The following MOXD1 variants were observed in gnomAD, a reference collection of about 807,000 sequenced individuals.
MOXD1 encodes monooxygenase DBH like 1, also known as DBH-like monooxygenase protein 1.
Under a neutral mutation model 66.6 loss-of-function variants are expected in MOXD1, and 62 were observed. That is an observed-to-expected ratio of 0.93 (90% CI 0.76 to 1.15). MOXD1 has a LOEUF of 1.15. Among genes scored for constraint, MOXD1 ranks in the 50% most tolerant of loss-of-function variants. MOXD1 has a pLI of 0.00. For synonymous variants in MOXD1, 303 were observed against 281.9 expected (o/e 1.07, Z -0.75); for missense variants, 847 against 754.6 (o/e 1.12, Z -1.44).
intron 1 of MOXD1, among the ~76,000 whole-genome samples, chr6:132,394,135 C>A (rs1371412923): frequency 6.6e-6 from 1 of 152,128 alleles, no homozygotes; most frequent in African/African-American, 2.4e-5. Context: ...TAGTTCCCAG[C>A]AAAACTTCAC....
chr6:132,391,519 T>C (rs898490619), intron 1 of MOXD1: 5 of 152,188 alleles, frequency 3.3e-5, no homozygotes, highest in African/African-American at 1.2e-4. Context: ...TTTTCCTGTT[T>C]AAAAGTTCTT....
chr6:132,363,435 A>G (rs1776055648), intron 4 of MOXD1, among the ~76,000 whole-genome samples: 1 of 152,170 alleles, frequency 6.6e-6, no homozygotes, highest in Non-Finnish European at 1.5e-5. Context: ...TTACTTAAAG[A>G]ACTCATGGCT....
chr6:132,376,892 A>G (rs1238508332), intron 1 of MOXD1, among the ~76,000 whole-genome samples: 1 of 152,212 alleles, frequency 6.6e-6, no homozygotes, highest in Non-Finnish European at 1.5e-5. Flanking sequence ...AATCACATCT[A>G]TCAGATAAAA....
chr6:132,297,683 C>T, intron 11 of MOXD1, 104 bp downstream of exon 11: 1 of 1,357,450 alleles, frequency 7.4e-7, no homozygotes, highest in Non-Finnish European at 1.0e-6. Flanking sequence ...TAGAAGGCAA[C>T]TGGACCCCTG....
chr6:132,331,632 T>C (rs909295200), intron 4 of MOXD1, among the ~76,000 whole-genome samples: 1 of 152,216 alleles, frequency 6.6e-6, no homozygotes, highest in Non-Finnish European at 1.5e-5. Context: ...TCATTCTATG[T>C]ATTTCATTTA....
chr6:132,311,323 ATTGAT>A lies in MOXD1; in HGVS notation c.1508+4307_1508+4311del, dbSNP rs536404434. On this transcript the variant is annotated intron_variant, in intron 10 of 11. Coordinates refer to ENST00000367963, the MANE Select transcript of MOXD1 (RefSeq NM_015529.4). ...TCATAAAGATTAGGGTTATCATTGA[ATTGAT>A]TTATCTAATCAAGTCATGTTAAATA... Among the ~76,000 whole-genome samples the A allele has an allele frequency of 2.4e-3, 367 of 152,250 alleles. 3 individuals are homozygous for A. The highest frequency in any genetic ancestry group is 8.2e-3 in the African/African-American group (341 of 41,566).
intron 10 of MOXD1, among the ~76,000 whole-genome samples, chr6:132,301,897 T>C (rs2076836923): frequency 6.6e-6 from 1 of 152,160 alleles, no homozygotes; most frequent in South Asian, 2.1e-4. Context: ...AATATTATGT[T>C]CATCCCAGCT....
intron 9 of MOXD1, among the ~76,000 whole-genome samples, chr6:132,316,557 C>G (rs1304091799): frequency 6.6e-6 from 1 of 151,942 alleles, no homozygotes; most frequent in East Asian, 1.9e-4. Context: ...GAAAGAAGAA[C>G]AATTTTAAAA....
rs75218918 is a variant in MOXD1 at position 132,376,861 on chromosome 6, T to C, written c.265-2084A>G. Among the ~76,000 whole-genome samples, 546 of 152,330 alleles carry C rather than the reference T, an allele frequency of 3.6e-3. 2 individuals carry two copies. Among genetic ancestry groups the C allele is most frequent in the African/African-American group, 0.01 (432 of 41,582 alleles). ...AGGCCCTGTTTACACCTGTTACATG[T>C]ATTAACTAAACTAATCTTCAAATCA... On this transcript the variant is annotated intron_variant, in intron 1 of 11. Transcript: ENST00000367963.
intron 10 of MOXD1, among the ~76,000 whole-genome samples, chr6:132,313,032 T>G (rs1774865348): frequency 6.9e-6 from 1 of 145,196 alleles, no homozygotes; most frequent in Admixed American, 6.8e-5. Flanking sequence ...GTTTTTAAAA[T>G]GATATTTTAT....
At chr6:132,326,540 T>A (rs1775190884) in intron 6 of MOXD1, among the ~76,000 whole-genome samples, 1 of 152,128 alleles carries the variant, frequency 6.6e-6, no homozygotes, top group South Asian at 2.1e-4. Context: ...AAAAAATTTT[T>A]AAAAGTTGCA....
At chr6:132,395,008 A>G (rs1776840908) in intron 1 of MOXD1, among the ~76,000 whole-genome samples, 1 of 152,202 alleles carries the variant, frequency 6.6e-6, no homozygotes, top group African/African-American at 2.4e-5. Context: ...AGCACATTAT[A>G]GTCAAAATAT....
Position 132,306,198 on chromosome 6 carries a change from C to A in MOXD1, c.1509-8243G>T, listed in dbSNP as rs140660073. ...CTTGATGAAGCTGAAAAATACAGCACGAGAATTTCATGAAGCATACACAAA... is the reference window on the plus strand; with the variant it reads ...CTTGATGAAGCTGAAAAATACAGCAAGAGAATTTCATGAAGCATACACAAA... On this transcript the variant is annotated intron_variant, in intron 10 of 11. Transcript: ENST00000367963. Among the ~76,000 whole-genome samples, 577 of 151,900 alleles carry A rather than the reference C, an allele frequency of 3.8e-3. 3 individuals are homozygous for A. The highest frequency in any genetic ancestry group is 0.012 in the African/African-American group (500 of 41,394).
chr6:132,321,994 C>T (rs955439853), intron 8 of MOXD1, among the ~76,000 whole-genome samples: 23 of 152,096 alleles, frequency 1.5e-4, no homozygotes, highest in African/African-American at 4.6e-4. Flanking sequence ...TCCAGCATCA[C>T]GTAGAAAAGA....
chr6:132,346,424 CT>C (rs891092833), intron 4 of MOXD1, among the ~76,000 whole-genome samples: 1 of 151,802 alleles, frequency 6.6e-6, no homozygotes, highest in Non-Finnish European at 1.5e-5. Flanking sequence ...AATGGCCCAT[CT>C]TTTTTTTCTA....
chr6:132,299,855 T>C (rs2206064), intron 10 of MOXD1, among the ~76,000 whole-genome samples: 8,480 of 151,954 alleles, frequency 0.056, 609 homozygotes, highest in East Asian at 0.33. Context: ...TTAATCTTCA[T>C]ATTTTTAAAA....
intron 4 of MOXD1, among the ~76,000 whole-genome samples, chr6:132,351,819 G>C (rs765305509): frequency 2.6e-5 from 4 of 152,048 alleles, no homozygotes; most frequent in African/African-American, 4.8e-5. Context: ...GCTTGCTATT[G>C]GTCTGTTCAA....
chr6:132,349,419 A>G (rs1392561976), intron 4 of MOXD1, among the ~76,000 whole-genome samples: 6 of 81,932 alleles, frequency 7.3e-5, no homozygotes, highest in Non-Finnish European at 1.2e-4. Context: ...ATATATATAT[A>G]TACATATATA....
intron 10 of MOXD1, among the ~76,000 whole-genome samples, chr6:132,313,711 C>T (rs891430387): frequency 1.3e-5 from 2 of 151,954 alleles, no homozygotes; most frequent in African/African-American, 4.8e-5. Context: ...GTCAGGAGTT[C>T]GAGACCAGCC....
Sources: gnomAD v4.1 joint callset for allele counts (sites outside exome capture counted in the v4.1 genomes callset) on GRCh38, gnomAD v4.1.1 for gene constraint, MANE v1.5 for transcripts, NCBI Gene and HGNC (gene_info 2026-07-23, HGNC 2026-07-21) for gene names.